Variants in COL23A1 observed in about 807,000 individuals in gnomAD.
COL23A1 encodes collagen alpha-1(XXIII) chain.
COL23A1 carries 97 observed loss-of-function variants against 99.3 expected under a neutral mutation model. The ratio of observed to expected loss-of-function variants is 0.98; its 90% CI spans 0.83 to 1.16. The LOEUF is 1.16. COL23A1 is among the 50% of genes most tolerant of loss of function. The pLI is 0.00. For missense variants in COL23A1, 762 were observed against 757.4 expected (o/e 1.01, Z -0.07); for synonymous variants, 320 against 308.2 (o/e 1.04, Z -0.40).
rs544730717 is a variant in COL23A1 at position 178,384,983 on chromosome 5, C to T, written c.362-78064G>A. Among the ~76,000 whole-genome samples the T allele has an allele frequency of 6.6e-6, 1 of 152,350 alleles. No homozygotes were observed. The highest frequency in any genetic ancestry group is 2.1e-4 in the South Asian group (1 of 4,826). ...CCATCCAAGCCACCACACTGGGCTG[C>T]CCAGCCCACTCCACGCCGGGGGCTC... On this transcript the variant is annotated intron_variant, in intron 2 of 28. Transcript: ENST00000390654. The surrounding 1 kb of genome is among the most constrained non-coding windows in gnomAD (Gnocchi z 5.5).
At chr5:178,288,482 G>A (rs1757277786) in intron 4 of COL23A1, 132 bp from the exon 5 acceptor site, 4 of 801,732 alleles carry the variant, frequency 5.0e-6, no homozygotes, top group Non-Finnish European at 9.0e-6. Context: ...TGCAGCGGGA[G>A]GACTCAAGGG....
chr5:178,520,389 T>C (rs1406747004), intron 2 of COL23A1, among the ~76,000 whole-genome samples: 2 of 152,262 alleles, frequency 1.3e-5, no homozygotes, highest in South Asian at 2.1e-4. Flanking sequence ...CTCATACGAC[T>C]CCTACATGTT....
At position 178,408,975 on chromosome 5, in the gene COL23A1, T is replaced by TACACACACAC. The variant is rs61457266; in HGVS notation, c.362-102066_362-102057dup. ...TGTCTCAAAAAAAAAAAAAAAAAAA[T>TACACACACAC]ACACACACACACACACACACACACA... On this transcript the variant is annotated intron_variant, in intron 2 of 28. Transcript: ENST00000390654. 2.2e-3 allele frequency among the ~76,000 whole-genome samples: 220 copies of TACACACACAC among 101,646 alleles called. 1 individual carries two copies. Among genetic ancestry groups the TACACACACAC allele is most frequent in the Non-Finnish European group, 2.5e-3 (133 of 53,136 alleles). The allele number at this position is 101,646 out of a possible 152,430, so 66.7% of individuals were successfully genotyped here.
At chr5:178,246,205 A>G (rs769296734) in intron 24 of COL23A1, 49 bp downstream of exon 24, 10 of 1,541,280 alleles carry the variant, frequency 6.5e-6, no homozygotes, top group Non-Finnish European at 8.8e-6. Context: ...GAGCGCCACC[A>G]TGACCAGGTG....
At chr5:178,326,762 C>T (rs1198964799) in intron 2 of COL23A1, among the ~76,000 whole-genome samples, 1 of 152,232 alleles carries the variant, frequency 6.6e-6, no homozygotes, top group African/African-American at 2.4e-5. Flanking sequence ...CTCTGTCACC[C>T]AGGCTGGAGT....
intron 2 of COL23A1, among the ~76,000 whole-genome samples, chr5:178,456,822 T>C (rs535625609): frequency 3.2e-4 from 48 of 151,160 alleles, no homozygotes; most frequent in Non-Finnish European, 5.4e-4. Context: ...GGATTGTTTT[T>C]CTTAAGATAG....
intron 12 of COL23A1, among the ~76,000 whole-genome samples, chr5:178,258,262 T>TATATACATACACAC: frequency 2.9e-5 from 3 of 104,066 alleles, no homozygotes; most frequent in Non-Finnish European, 6.7e-5. Flanking sequence ...TATATATATA[T>TATATACATACACAC]ACACATGCAA....
rs547718636 is a variant in COL23A1 at position 178,372,445 on chromosome 5, G to A, written c.362-65526C>T. Among the ~76,000 whole-genome samples the A allele has an allele frequency of 7.9e-5, 12 of 152,324 alleles. No individual in the cohort carries two copies. The South Asian group carries it at 2.1e-3, about 26-fold the overall frequency. On this transcript the variant is annotated intron_variant, in intron 2 of 28. Transcript: ENST00000390654. ...AGGAAATGAAGAAGGAAGGACAGACGATGCCAAAGGGAAAAAACAGGGCTG... is the reference window on the plus strand; with the variant it reads ...AGGAAATGAAGAAGGAAGGACAGACAATGCCAAAGGGAAAAAACAGGGCTG...
chr5:178,506,250 G>A (rs1758864367), intron 2 of COL23A1, among the ~76,000 whole-genome samples: 1 of 152,224 alleles, frequency 6.6e-6, no homozygotes, highest in African/African-American at 2.4e-5. Flanking sequence ...TTCCAGTCCT[G>A]GGCGAGGGTG....
At chr5:178,333,846 T>G (rs1416779793) in intron 2 of COL23A1, among the ~76,000 whole-genome samples, 1 of 152,164 alleles carries the variant, frequency 6.6e-6, no homozygotes, top group Non-Finnish European at 1.5e-5. Flanking sequence ...GGAAGGCTGA[T>G]CCACCCTGCT....
chr5:178,556,790 T>C (rs1762299623), intron 2 of COL23A1, among the ~76,000 whole-genome samples: 1 of 150,508 alleles, frequency 6.6e-6, no homozygotes, highest in South Asian at 2.1e-4. Context: ...CCGTCTCTAC[T>C]AAAAAAACAA....
At chr5:178,556,019 G>C (rs1004522383) in intron 2 of COL23A1, among the ~76,000 whole-genome samples, 5 of 152,186 alleles carry the variant, frequency 3.3e-5, no homozygotes, top group African/African-American at 1.2e-4. Context: ...CAGACAACAG[G>C]CTACACAGCA....
At chr5:178,240,421 AGCACACG>A (rs907733711) in intron 27 of COL23A1, among the ~76,000 whole-genome samples, 9 of 152,278 alleles carry the variant, frequency 5.9e-5, no homozygotes, top group East Asian at 3.9e-4. Context: ...AGGCCCACAC[AGCACACG>A]GCACACGGCA....
intron 3 of COL23A1, among the ~76,000 whole-genome samples, chr5:178,297,719 C>T (rs577591242): frequency 6.6e-6 from 1 of 152,334 alleles, no homozygotes; most frequent in African/African-American, 2.4e-5. Context: ...CCTGGGACCA[C>T]ATCTGCCCAG....
At chr5:178,529,374 C>G (rs570508765) in intron 2 of COL23A1, among the ~76,000 whole-genome samples, 1 of 152,268 alleles carries the variant, frequency 6.6e-6, no homozygotes, top group African/African-American at 2.4e-5. Flanking sequence ...AGCCCAGAGT[C>G]AGTGTGGGAG....
chr5:178,504,891 TG>T (rs1758778925), intron 2 of COL23A1, among the ~76,000 whole-genome samples: 1 of 152,196 alleles, frequency 6.6e-6, no homozygotes, highest in Admixed American at 6.5e-5. Context: ...GTGAGGATTC[TG>T]AAGTGTTGGC....
intron 2 of COL23A1, among the ~76,000 whole-genome samples, chr5:178,355,769 C>A (rs1224158888): frequency 6.6e-6 from 1 of 152,110 alleles, no homozygotes; most frequent in South Asian, 2.1e-4. Flanking sequence ...GGAATACAGG[C>A]TTGTTTGTAT....
chr5:178,478,290 G>C (rs1049255091), intron 2 of COL23A1, among the ~76,000 whole-genome samples: 2 of 152,242 alleles, frequency 1.3e-5, no homozygotes, highest in African/African-American at 4.8e-5. Context: ...AGGGTCAGGA[G>C]AATGCAGTGA....
At chr5:178,284,670 A>G (rs1033382743) in intron 5 of COL23A1, among the ~76,000 whole-genome samples, 1 of 152,266 alleles carries the variant, frequency 6.6e-6, no homozygotes, top group Non-Finnish European at 1.5e-5. Flanking sequence ...CTTTGAGACT[A>G]AATAAATGAT....
Sources: gnomAD v4.1 joint callset for allele counts (sites outside exome capture counted in the v4.1 genomes callset) on GRCh38, gnomAD v4.1.1 for gene constraint, Gnocchi (gnomAD v3.1) non-coding constraint, MANE v1.5 for transcripts, NCBI Gene and HGNC (gene_info 2026-07-23, HGNC 2026-07-21) for gene names.